Variants in RNF175 observed in about 807,000 individuals in gnomAD.
RNF175 encodes the protein ring finger protein 175.
Under a neutral mutation model 50.0 loss-of-function variants are expected in RNF175, and 38 were observed. The ratio of observed to expected loss-of-function variants is 0.76; its 90% CI spans 0.59 to 1.00. The LOEUF is 1.00. Ranked by LOEUF, RNF175 falls within the 50% of genes least tolerant of loss-of-function variation. The pLI, the probability that RNF175 is intolerant of heterozygous loss-of-function variation, is 0.00. For synonymous variants in RNF175, 155 were observed against 146.1 expected (o/e 1.06, Z -0.44); for missense variants, 388 against 409.6 (o/e 0.95, Z 0.46).
chr4:153,714,969 T>C, intron 7 of RNF175: 1 of 164,438 alleles, frequency 6.1e-6, no homozygotes, highest in South Asian at 1.6e-4. Context: ...TCTTGCTGCC[T>C]GTGGCTGTAT....
intron 3 of RNF175, chr4:153,729,533 T>A (rs946107676): frequency 2.3e-5 from 6 of 260,642 alleles, no homozygotes; most frequent in Non-Finnish European, 3.6e-5. Context: ...TATTGTTGGA[T>A]CCTTTAAACA....
chr4:153,752,136 G>A (rs532607708), intron 1 of RNF175, among the ~76,000 whole-genome samples: 9 of 152,280 alleles, frequency 5.9e-5, no homozygotes, highest in Non-Finnish European at 1.2e-4. Flanking sequence ...CTAGATTATT[G>A]CTAACCCACT....
intron 3 of RNF175, among the ~76,000 whole-genome samples, chr4:153,731,613 C>T (rs917383192): frequency 2.1e-5 from 3 of 143,706 alleles, no homozygotes; most frequent in African/African-American, 7.8e-5. Context: ...GCTAATTGTA[C>T]AGAATGATGA....
intron 8 of RNF175, among the ~76,000 whole-genome samples, chr4:153,711,947 G>A (rs551072061): frequency 6.6e-6 from 1 of 152,304 alleles, no homozygotes; most frequent in African/African-American, 2.4e-5. Context: ...CCTAAGAAGA[G>A]ATGATGCATG....
intron 6 of RNF175, 56 bp downstream of exon 6, chr4:153,720,128 T>C (rs1738237557): frequency 6.3e-7 from 1 of 1,579,720 alleles, no homozygotes; most frequent in African/African-American, 1.3e-5. Context: ...ACATGTAAGA[T>C]GAGACCATTT....
chr4:153,733,993 C>T (rs1378842539), intron 3 of RNF175, among the ~76,000 whole-genome samples: 1 of 152,140 alleles, frequency 6.6e-6, no homozygotes, highest in East Asian at 1.9e-4. Flanking sequence ...TTCACTATGA[C>T]TTGTTTCACC....
At chr4:153,747,372 C>G (rs892666001) in intron 3 of RNF175, among the ~76,000 whole-genome samples, 7 of 152,198 alleles carry the variant, frequency 4.6e-5, no homozygotes, top group Non-Finnish European at 1.0e-4. Flanking sequence ...GCAGGTCCTT[C>G]AATATATTGC....
At chr4:153,716,741 A>G (rs977846797) in intron 6 of RNF175, among the ~76,000 whole-genome samples, 6 of 152,236 alleles carry the variant, frequency 3.9e-5, no homozygotes, top group African/African-American at 1.4e-4. Context: ...TTGGCAGGCC[A>G]GCAGGCTGGA....
At chr4:153,744,347 G>A (rs1369444636) in intron 3 of RNF175, among the ~76,000 whole-genome samples, 5 of 152,000 alleles carry the variant, frequency 3.3e-5, no homozygotes, top group African/African-American at 9.7e-5. Context: ...ACTTGAACCC[G>A]GGAGGTGGAG....
intron 5 of RNF175, among the ~76,000 whole-genome samples, chr4:153,722,979 T>G (rs1335844859): frequency 6.6e-6 from 1 of 152,200 alleles, no homozygotes; most frequent in African/African-American, 2.4e-5. Flanking sequence ...AACATAATTC[T>G]AGAGGTTTTA....
At position 153,751,553 on chromosome 4, in the gene RNF175, A is replaced by G. The variant is rs540394055; in HGVS notation, c.67-78T>C. On this transcript the variant is annotated intron_variant, in intron 1 of 8. Transcript: ENST00000347063. ...TTTCTGTGAAAGCAATATATGGGAA[A>G]CCCAGACCATGAAAAATAACAATGT... The G allele has an allele frequency of 4.0e-5, 38 of 957,150 alleles. No homozygotes were observed. The East Asian group carries it at 9.7e-4, about 25-fold the overall frequency. The allele number at this position is 957,150 out of a possible 1,614,324, so 59.3% of individuals were successfully genotyped here.
chr4:153,726,423 C>T (rs145906834), intron 4 of RNF175, among the ~76,000 whole-genome samples: 91 of 152,288 alleles, frequency 6.0e-4, no homozygotes, highest in African/African-American at 2.2e-3. Context: ...TGACCCTGAA[C>T]TTCACTGCTT....
rs56211482 is a variant in RNF175, at chr4:153,734,665, C to CTTTTTT, written c.247-6310_247-6305dup. On this transcript the variant is annotated intron_variant, in intron 3 of 8. Transcript: ENST00000347063. ...TCCAAGTCTGGCTTGTTTTTTTATT[C>CTTTTTT]TTTTTTTTTTTTTTTTTTTTTTTTT... Among the ~76,000 whole-genome samples the CTTTTTT allele has an allele frequency of 8.6e-4, 63 of 73,176 alleles. 3 individuals carry two copies. Among genetic ancestry groups the CTTTTTT allele is most frequent in the African/African-American group, 2.3e-3 (28 of 12,004 alleles). 48.0% of individuals were successfully genotyped at this position (73,176 alleles called of 152,430 possible). A position where few individuals can be genotyped will look rare whatever the true frequency, so the allele number is the denominator to read the frequency against.
At chr4:153,723,172 G>A in intron 5 of RNF175, 179 bp downstream of exon 5, 1 of 399,890 alleles carries the variant, frequency 2.5e-6, no homozygotes, top group Non-Finnish European at 4.6e-6. Flanking sequence ...TTTGTAGGGT[G>A]CTTCTTTCTT....
In RNF175 at chr4:153,748,438, TC is replaced by T. The variant is rs951457624; in HGVS notation, c.246+206del. Reference sequence around the variant, plus strand: ...CCAGTTGCAACTCCCCTCCCCCTTTTCACCCCCCACAAGTCTTGACAGTCAA... The same window carrying T: ...CCAGTTGCAACTCCCCTCCCCCTTTTACCCCCCACAAGTCTTGACAGTCAA... On this transcript the variant is annotated intron_variant, in intron 3 of 8. Coordinates refer to ENST00000347063, the MANE Select transcript of RNF175 (RefSeq NM_173662.4). 14 of 448,478 alleles carry T rather than the reference TC, an allele frequency of 3.1e-5. No individual in the cohort carries two copies. In the Admixed American group the frequency reaches 3.7e-4, roughly 12 times the overall value. The allele number at this position is 448,478 out of a possible 1,614,324, so 27.8% of individuals were successfully genotyped here. A position where few individuals can be genotyped will look rare whatever the true frequency, so the allele number is the denominator to read the frequency against.
chr4:153,756,494 C>T (rs1185810769), intron 1 of RNF175, among the ~76,000 whole-genome samples: 1 of 152,148 alleles, frequency 6.6e-6, no homozygotes, highest in Non-Finnish European at 1.5e-5. Flanking sequence ...ATCATCCTTG[C>T]CCCTAACCAA....
chr4:153,750,164 G>A (rs796331294), intron 2 of RNF175, among the ~76,000 whole-genome samples: 3 of 152,166 alleles, frequency 2.0e-5, no homozygotes, highest in Non-Finnish European at 4.4e-5. Context: ...TTCATCCCTA[G>A]TGTGGCACCA....
intron 1 of RNF175, among the ~76,000 whole-genome samples, chr4:153,758,894 G>C (rs7661173): frequency 0.079 from 12,015 of 152,164 alleles, 998 homozygotes; most frequent in East Asian, 0.23. Flanking sequence ...ACGCCCTCAC[G>C]GGTTGGAGGA....
At chr4:153,718,315 G>C (rs1296416566) in intron 6 of RNF175, among the ~76,000 whole-genome samples, 1 of 145,484 alleles carries the variant, frequency 6.9e-6, no homozygotes, top group African/African-American at 2.5e-5. Flanking sequence ...GTGGGGCTTA[G>C]GCACTGATAC....
Sources: gnomAD v4.1 joint callset for allele counts (sites outside exome capture counted in the v4.1 genomes callset) on GRCh38, gnomAD v4.1.1 for gene constraint, MANE v1.5 for transcripts, NCBI Gene and HGNC (gene_info 2026-07-23, HGNC 2026-07-21) for gene names.